Variants in C3orf33 observed in about 807,000 individuals in gnomAD.
C3orf33 encodes mitochondrial inner membrane subdomain organizer 1, also known as AP-1 activity suppressor.
A neutral mutation model predicts 28.7 loss-of-function variants in C3orf33; 23 were observed. The ratio of observed to expected loss-of-function variants is 0.80; its 90% confidence interval spans 0.58 to 1.13. C3orf33 has a LOEUF of 1.13. Ranked by LOEUF, C3orf33 falls within the 50% of genes most tolerant of loss-of-function variation. The pLI, the probability that C3orf33 is intolerant of heterozygous loss-of-function variation, is 0.00. For missense variants in C3orf33, 327 were observed against 353.4 expected (o/e 0.93, Z 0.60); for synonymous variants, 119 against 120.5 (o/e 0.99, Z 0.08).
chr3:155,792,690 A>G (rs771535641), intron 2 of C3orf33, among the ~76,000 whole-genome samples: 2 of 152,152 alleles, frequency 1.3e-5, no homozygotes, highest in African/African-American at 2.4e-5. Flanking sequence ...TGCAATTGAC[A>G]TATTGAAGAA....
chr3:155,775,111 C>T (rs930643122), intron 3 of C3orf33, among the ~76,000 whole-genome samples: 10 of 152,166 alleles, frequency 6.6e-5, no homozygotes, highest in African/African-American at 2.4e-4. Context: ...TTTTACCCAA[C>T]ATTGTACAAT....
chr3:155,795,163 A>T (rs1751438974), intron 2 of C3orf33, among the ~76,000 whole-genome samples: 1 of 152,206 alleles, frequency 6.6e-6, no homozygotes, highest in Non-Finnish European at 1.5e-5. Context: ...AACAAGTCTT[A>T]AAAAATTTCA....
At position 155,770,111 on chromosome 3, in the gene C3orf33, G is replaced by A. The variant is rs74354181; in HGVS notation, c.323-2442C>T. 8.8e-4 allele frequency among the ~76,000 whole-genome samples: 134 copies of A among 152,284 alleles called. No individual in the cohort carries two copies. In the East Asian group the frequency reaches 0.016, roughly 18 times the overall value. ...AGGAGACTACCTGACTTCAGGTGGC[G>A]GGGGTTGGGTTGCACAACTCAGGTT... On this transcript the variant is annotated intron_variant, in intron 3 of 4. Transcript: ENST00000340171.
intron 2 of C3orf33, among the ~76,000 whole-genome samples, chr3:155,795,357 G>A (rs922317275): frequency 9.9e-5 from 15 of 152,230 alleles, no homozygotes; most frequent in Non-Finnish European, 1.8e-4. Flanking sequence ...TCAGGAGGCT[G>A]AGGCAGGAAA....
intron 2 of C3orf33, among the ~76,000 whole-genome samples, chr3:155,800,324 TG>T (rs1428247103): frequency 6.6e-6 from 1 of 151,604 alleles, no homozygotes; most frequent in Non-Finnish European, 1.5e-5. Flanking sequence ...AACACATAGG[TG>T]GGGTGCAGTG....
intron 3 of C3orf33, among the ~76,000 whole-genome samples, chr3:155,769,312 C>CAA (rs747506548): frequency 5.3e-5 from 4 of 75,812 alleles, no homozygotes; most frequent in East Asian, 1.4e-3. Flanking sequence ...AACTCCCTCT[C>CAA]AAAAAAAAAA....
chr3:155,789,173 C>T (rs1751236859), intron 2 of C3orf33, among the ~76,000 whole-genome samples: 1 of 151,786 alleles, frequency 6.6e-6, no homozygotes, highest in Non-Finnish European at 1.5e-5. Flanking sequence ...GGTGAAACCC[C>T]GTCTCTACTA....
At chr3:155,778,721 G>GATT (rs1235210471) in intron 2 of C3orf33, among the ~76,000 whole-genome samples, 2 of 152,158 alleles carry the variant, frequency 1.3e-5, no homozygotes, top group African/African-American at 4.8e-5. Flanking sequence ...GAGAAATACA[G>GATT]ATTAAATATG....
At chr3:155,774,779 C>A (rs114090560) in intron 3 of C3orf33, among the ~76,000 whole-genome samples, 1 of 150,622 alleles carries the variant, frequency 6.6e-6, no homozygotes, top group Admixed American at 6.6e-5. Context: ...AGATTGGATA[C>A]CCCTGTCTTA....
intron 1 of C3orf33, among the ~76,000 whole-genome samples, chr3:155,804,336 A>G (rs530789180): frequency 6.6e-6 from 1 of 152,292 alleles, no homozygotes; most frequent in African/African-American, 2.4e-5. Context: ...TAACCCATGC[A>G]TCTATTACTG....
chr3:155,786,411 A>G (rs1286321790), intron 2 of C3orf33, among the ~76,000 whole-genome samples: 1 of 152,232 alleles, frequency 6.6e-6, no homozygotes. Context: ...TTCCTAAGTC[A>G]GAAATAAAAG....
chr3:155,802,531 C>G lies in C3orf33; in HGVS notation c.174+1G>C, dbSNP rs758874494. The G allele has an allele frequency of 6.2e-7, 1 of 1,600,614 alleles. No homozygotes were observed. Among genetic ancestry groups the G allele is most frequent in the East Asian group, 2.3e-5 (1 of 44,342 alleles). On this transcript the variant is annotated splice_donor_variant, in intron 2 of 4. Transcript: ENST00000340171. LOFTEE classifies it high-confidence loss of function. Reference sequence around the variant, plus strand: ...AATGTCTTTTTCATTTTTTAACTTACCAGTCGAATGCTTCTCAAAAGTAAC... The same window carrying G: ...AATGTCTTTTTCATTTTTTAACTTAGCAGTCGAATGCTTCTCAAAAGTAAC...
chr3:155,802,282 T>C (rs1256799766), intron 2 of C3orf33, among the ~76,000 whole-genome samples: 3 of 152,214 alleles, frequency 2.0e-5, no homozygotes, highest in Non-Finnish European at 4.4e-5. Context: ...ACTAAATCCT[T>C]TTCAGATTCC....
chr3:155,805,423 A>C (rs1751780580), intron 1 of C3orf33, among the ~76,000 whole-genome samples: 1 of 152,112 alleles, frequency 6.6e-6, no homozygotes. Context: ...TAATGGTGCC[A>C]CTGCACTCCA....
intron 2 of C3orf33, among the ~76,000 whole-genome samples, chr3:155,801,809 G>A (rs544129598): frequency 6.6e-6 from 1 of 152,276 alleles, no homozygotes; most frequent in South Asian, 2.1e-4. Context: ...GGAATGCAGT[G>A]ACACGGTTTC....
chr3:155,793,983 G>GT (rs144118453), intron 2 of C3orf33, among the ~76,000 whole-genome samples: 6,879 of 124,202 alleles, frequency 0.055, 273 homozygotes, highest in African/African-American at 0.11. Context: ...GTGGTGTTTT[G>GT]TTTTTTTGTT....
At chr3:155,791,033 A>G (rs186686907) in intron 2 of C3orf33, among the ~76,000 whole-genome samples, 1 of 152,348 alleles carries the variant, frequency 6.6e-6, no homozygotes, top group East Asian at 1.9e-4. Flanking sequence ...AACCCCAGGT[A>G]GCATGGCTCA....
intron 1 of C3orf33, among the ~76,000 whole-genome samples, chr3:155,803,224 A>G (rs1204560674): frequency 2.6e-5 from 4 of 152,154 alleles, no homozygotes; most frequent in African/African-American, 9.7e-5. Flanking sequence ...TCTCAAAAAG[A>G]GTAATAATCT....
intron 2 of C3orf33, among the ~76,000 whole-genome samples, chr3:155,798,398 C>T (rs569942403): frequency 1.7e-4 from 26 of 152,268 alleles, no homozygotes; most frequent in Admixed American, 1.6e-3. Context: ...ACTAAAATGG[C>T]ATGGTACTGG....
Sources: allele counts gnomAD v4.1 joint callset (sites outside exome capture counted in the v4.1 genomes callset), GRCh38; gene constraint gnomAD v4.1.1; transcripts MANE v1.5; gene names NCBI Gene and HGNC (gene_info 2026-07-23, HGNC 2026-07-21).